The following CDH12 variants were observed in gnomAD, a reference collection of about 807,000 sequenced individuals.
The protein encoded by CDH12 is cadherin 12, also known as cadherin-12.
Under a neutral mutation model 74.1 loss-of-function variants are expected in CDH12, and 41 were observed. The ratio of observed to expected loss-of-function variants is 0.55; its 90% CI spans 0.43 to 0.72. The LOEUF is 0.72. Ranked by LOEUF, CDH12 falls within the 30% of genes least tolerant of loss-of-function variation. CDH12 has a pLI of 0.00. For synonymous variants in CDH12, 399 were observed against 355.0 expected, an observed-to-expected ratio of 1.12 and a Z score of -1.39; for missense variants, 945 against 977.2, an observed-to-expected ratio of 0.97 and a Z score of 0.44.
intron 1 of CDH12, among the ~76,000 whole-genome samples, chr5:22,668,177 A>C (rs567478838): frequency 6.6e-6 from 1 of 152,236 alleles, no homozygotes; most frequent in Middle Eastern, 3.4e-3. Flanking sequence ...ATTATAGAAA[A>C]AGGAAATCTT....
chr5:22,133,553 G>C (rs1746289518), intron 4 of CDH12, among the ~76,000 whole-genome samples: 1 of 151,962 alleles, frequency 6.6e-6, no homozygotes, highest in Non-Finnish European at 1.5e-5. Flanking sequence ...TTTTAATCTA[G>C]TTTTTAACTA....
chr5:22,294,426 A>AGTGTCTGGGGGGTG (rs1737536002), intron 3 of CDH12, among the ~76,000 whole-genome samples: 1 of 152,238 alleles, frequency 6.6e-6, no homozygotes, highest in African/African-American at 2.4e-5. Context: ...GCCTATATCC[A>AGTGTCTGGGGGGTG]TAAAGAAAGT....
At chr5:22,764,330 C>T (rs1746387802) in intron 1 of CDH12, among the ~76,000 whole-genome samples, 1 of 151,816 alleles carries the variant, frequency 6.6e-6, no homozygotes. Context: ...AAAAGAAAAG[C>T]TTTTGTCATC....
intron 13 of CDH12, 98 bp downstream of exon 13, chr5:21,760,460 T>C: frequency 1.4e-6 from 1 of 691,458 alleles, no homozygotes. Context: ...TCATATTTTA[T>C]GAAATTAAGT....
intron 1 of CDH12, among the ~76,000 whole-genome samples, chr5:22,521,952 T>G (rs1315233209): frequency 3.3e-5 from 5 of 152,204 alleles, no homozygotes; most frequent in Non-Finnish European, 7.3e-5. Context: ...AAAAAGTTGT[T>G]GAAAAGAACT....
At chr5:22,190,370 A>G (rs1380720176) in intron 4 of CDH12, among the ~76,000 whole-genome samples, 5 of 136,324 alleles carry the variant, frequency 3.7e-5, no homozygotes, top group Admixed American at 1.4e-4. Context: ...CTATCTATCT[A>G]TCTATCTATC....
intron 1 of CDH12, among the ~76,000 whole-genome samples, chr5:22,533,182 C>T (rs574848146): frequency 1.4e-4 from 22 of 152,138 alleles, no homozygotes; most frequent in Non-Finnish European, 2.6e-4. Flanking sequence ...TGTCAGGGGA[C>T]ATTTTTGGTT....
intron 8 of CDH12, among the ~76,000 whole-genome samples, chr5:21,825,785 A>C (rs920780697): frequency 6.6e-6 from 1 of 151,984 alleles, no homozygotes; most frequent in Non-Finnish European, 1.5e-5. Context: ...CTCTTCTGAG[A>C]CTCTACAATT....
At chr5:22,730,734 G>GA (rs942984951) in intron 1 of CDH12, among the ~76,000 whole-genome samples, 16 of 150,872 alleles carry the variant, frequency 1.1e-4, no homozygotes, top group Non-Finnish European at 1.6e-4. Context: ...ACCAACAATG[G>GA]AAAAAAAATC....
intron 1 of CDH12, among the ~76,000 whole-genome samples, chr5:22,806,422 G>A (rs186019229): frequency 0.039 from 5,802 of 146,962 alleles, 364 homozygotes; most frequent in African/African-American, 0.14. Flanking sequence ...GCGCAATCTC[G>A]GCTCACTGCA....
At chr5:21,947,605 T>A (rs900412442) in intron 6 of CDH12, among the ~76,000 whole-genome samples, 5 of 152,154 alleles carry the variant, frequency 3.3e-5, no homozygotes, top group Non-Finnish European at 7.3e-5. Context: ...AAGCAGGGCA[T>A]AAAAGTTTGG....
intron 5 of CDH12, among the ~76,000 whole-genome samples, chr5:22,043,953 G>A (rs535393698): frequency 2.0e-5 from 3 of 152,102 alleles, no homozygotes; most frequent in Non-Finnish European, 4.4e-5. Context: ...CAAATAAGTG[G>A]AAAAATACCC....
intron 3 of CDH12, among the ~76,000 whole-genome samples, chr5:22,328,737 G>T (rs1013626815): frequency 6.6e-6 from 1 of 152,088 alleles, no homozygotes; most frequent in South Asian, 2.1e-4. Flanking sequence ...AAAAGAAAGT[G>T]AAAAAATATA....
intron 1 of CDH12, among the ~76,000 whole-genome samples, chr5:22,733,220 A>G (rs1176639556): frequency 6.6e-6 from 1 of 151,902 alleles, no homozygotes; most frequent in Non-Finnish European, 1.5e-5. Context: ...AGTAAAAAAT[A>G]ATTTGTCACC....
chr5:22,014,184 G>A (rs1482998104), intron 5 of CDH12, among the ~76,000 whole-genome samples: 3 of 152,224 alleles, frequency 2.0e-5, no homozygotes, highest in African/African-American at 4.8e-5. Context: ...CTGAGATCAC[G>A]CCACTGCACT....
At chr5:22,743,374 T>G (rs758024989) in intron 1 of CDH12, among the ~76,000 whole-genome samples, 2 of 151,358 alleles carry the variant, frequency 1.3e-5, no homozygotes, top group Non-Finnish European at 2.9e-5. Context: ...TGCATGCTAT[T>G]AAGCATAAAA....
At chr5:22,613,320 A>C (rs1737507674) in intron 1 of CDH12, among the ~76,000 whole-genome samples, 1 of 152,150 alleles carries the variant, frequency 6.6e-6, no homozygotes, top group Admixed American at 6.6e-5. Flanking sequence ...AGTGAATACA[A>C]ATATAGATAT....
intron 1 of CDH12, among the ~76,000 whole-genome samples, chr5:22,611,253 CCT>C (rs1466981882): frequency 1.3e-5 from 2 of 152,102 alleles, no homozygotes; most frequent in Non-Finnish European, 2.9e-5. Context: ...TAAACTTTCC[CCT>C]CTTTCTACAC....
intron 4 of CDH12, among the ~76,000 whole-genome samples, chr5:22,193,056 C>T (rs1410883227): frequency 6.6e-6 from 1 of 152,194 alleles, no homozygotes; most frequent in Non-Finnish European, 1.5e-5. Flanking sequence ...GTAAGACACT[C>T]AGGTTACAAA....
Sources: gnomAD v4.1 joint callset for allele counts (sites outside exome capture counted in the v4.1 genomes callset) on GRCh38, gnomAD v4.1.1 for gene constraint, MANE v1.5 for transcripts, NCBI Gene and HGNC (gene_info 2026-07-23, HGNC 2026-07-21) for gene names.